The following CFAP144 variants were observed in gnomAD, a reference collection of about 807,000 sequenced individuals.
CFAP144 encodes the protein cilia and flagella associated protein 144.
chr1:43,147,510 T>A, the CFAP144 span, among the ~76,000 whole-genome samples: 1 of 152,186 alleles, frequency 6.6e-6, no homozygotes, highest in South Asian at 2.1e-4. Flanking sequence ...TCCGGTTTTT[T>A]TGTGAGGTTT....
chr1:43,152,900 A>C, the CFAP144 span: 1 of 1,613,304 alleles, frequency 6.2e-7, no homozygotes, highest in Admixed American at 1.7e-5. Flanking sequence ...CAGACTGAAA[A>C]CCAGGAAGTT....
chr1:43,156,064 T>C, the CFAP144 span: 1 of 678,396 alleles, frequency 1.5e-6, no homozygotes, highest in East Asian at 2.6e-5. Flanking sequence ...ACCTTTTTGA[T>C]GTACATGTGG....
chr1:43,144,894 T>A, the CFAP144 span, among the ~76,000 whole-genome samples: 1 of 152,192 alleles, frequency 6.6e-6, no homozygotes, highest in Non-Finnish European at 1.5e-5. Flanking sequence ...GTTTCCCTCA[T>A]GCTGGGACAG....
chr1:43,147,465 C>T, the CFAP144 span, among the ~76,000 whole-genome samples: 1 of 152,218 alleles, frequency 6.6e-6, no homozygotes, highest in East Asian at 1.9e-4. Context: ...TAATCTTGGT[C>T]ACACTGGCCA....
the CFAP144 span, chr1:43,152,939 T>C: frequency 6.8e-6 from 11 of 1,608,880 alleles, no homozygotes; most frequent in South Asian, 2.2e-5. Flanking sequence ...TTGGTAAGCG[T>C]GGCTCCTTCC....
the CFAP144 span, among the ~76,000 whole-genome samples, chr1:43,154,233 TA>T: frequency 1.8e-4 from 26 of 144,166 alleles, no homozygotes; most frequent in South Asian, 2.1e-3. Context: ...AATTTTTATA[TA>T]AAAATTATAT....
the CFAP144 span, among the ~76,000 whole-genome samples, chr1:43,149,361 C>G: frequency 2.0e-5 from 3 of 152,356 alleles, no homozygotes; most frequent in African/African-American, 4.8e-5. Flanking sequence ...TCCTTTCCCC[C>G]CTGCCATTTC....
chr1:43,147,791 A>G, the CFAP144 span: 1 of 1,472,500 alleles, frequency 6.8e-7, no homozygotes. Flanking sequence ...CGATGCAGGC[A>G]GGGTAAGGGG....
At chr1:43,152,647 C>A in the CFAP144 span, 1 of 574,486 alleles carries the variant, frequency 1.7e-6, no homozygotes, top group Non-Finnish European at 3.0e-6. Flanking sequence ...AGAGTTTGAG[C>A]TCACCACATA....
the CFAP144 span, chr1:43,150,696 C>G: frequency 7.0e-7 from 1 of 1,430,052 alleles, no homozygotes; most frequent in Non-Finnish European, 9.7e-7. Flanking sequence ...TTAAGGTGGA[C>G]CTTAGAGAGG....
chr1:43,155,730 T>A, the CFAP144 span, among the ~76,000 whole-genome samples: 9 of 152,276 alleles, frequency 5.9e-5, no homozygotes, highest in South Asian at 1.4e-3. Flanking sequence ...ACAAGATACC[T>A]CCAGTCTCAG....
At chr1:43,148,131 C>A in the CFAP144 span, 2 of 1,514,790 alleles carry the variant, frequency 1.3e-6, no homozygotes, top group South Asian at 1.2e-5. Context: ...GGGAGGGCGC[C>A]GGGGAAGGAG....
At chr1:43,145,971 C>A in the CFAP144 span, among the ~76,000 whole-genome samples, 1 of 152,256 alleles carries the variant, frequency 6.6e-6, no homozygotes, top group Admixed American at 6.5e-5. Context: ...CATAGCAGAC[C>A]AGTGAGGAAG....
chr1:43,145,564 A>T, the CFAP144 span, among the ~76,000 whole-genome samples: 1 of 152,210 alleles, frequency 6.6e-6, no homozygotes, highest in Non-Finnish European at 1.5e-5. Context: ...CTCAGGCAGC[A>T]CTTCTACTTC....
the CFAP144 span, chr1:43,147,768 G>T: frequency 2.0e-4 from 293 of 1,450,148 alleles, no homozygotes; most frequent in Non-Finnish European, 2.5e-4. Context: ...CGACCGGCGG[G>T]CGCGGGGCGG....
At chr1:43,144,820 C>T in the CFAP144 span, among the ~76,000 whole-genome samples, 1 of 152,116 alleles carries the variant, frequency 6.6e-6, no homozygotes, top group Non-Finnish European at 1.5e-5. Flanking sequence ...ACTCTAGCTC[C>T]CACTCCCAAT....
At chr1:43,154,375 TATGTACATATAC>T in the CFAP144 span, among the ~76,000 whole-genome samples, 1 of 131,184 alleles carries the variant, frequency 7.6e-6, no homozygotes, top group Non-Finnish European at 1.5e-5. Context: ...TGTACATATA[TATGTACATATAC>T]ACACACATAT....
chr1:43,147,889 G>A, the CFAP144 span: 48 of 1,594,170 alleles, frequency 3.0e-5, no homozygotes, highest in Non-Finnish European at 3.8e-5. Context: ...TGGAGACAGC[G>A]GGGACGCGTT....
At chr1:43,150,352 G>A in the CFAP144 span, among the ~76,000 whole-genome samples, 1 of 152,104 alleles carries the variant, frequency 6.6e-6, no homozygotes, top group South Asian at 2.1e-4. Context: ...AACCTCTTTG[G>A]CCTTCCCCAT....
Sources: allele counts gnomAD v4.1 joint callset (sites outside exome capture counted in the v4.1 genomes callset), GRCh38; gene constraint gnomAD v4.1.1; transcripts MANE v1.5; gene names NCBI Gene and HGNC (gene_info 2026-07-23, HGNC 2026-07-21).